Variants in KCTD8 observed in about 807,000 individuals in gnomAD.
KCTD8 encodes the protein BTB/POZ domain-containing protein KCTD8.
A neutral mutation model predicts 31.5 loss-of-function variants in KCTD8; 27 were observed. That is an observed-to-expected ratio of 0.86 (90% confidence interval 0.63 to 1.18). KCTD8 has a LOEUF of 1.18. Among genes scored for constraint, KCTD8 ranks in the 50% most tolerant of loss-of-function variants. The pLI, the probability that KCTD8 is intolerant of heterozygous loss-of-function variation, is 0.00. For synonymous variants in KCTD8, 290 were observed against 280.0 expected (o/e 1.04, Z -0.36); for missense variants, 658 against 647.7 (o/e 1.02, Z -0.17).
chr4:44,383,273 T>C (rs74753569), intron 1 of KCTD8, among the ~76,000 whole-genome samples: 1 of 152,210 alleles, frequency 6.6e-6, no homozygotes, highest in Non-Finnish European at 1.5e-5. Context: ...AATGCAATCC[T>C]ATCAAAATAG....
chr4:44,346,004 T>C (rs552923247), intron 1 of KCTD8, among the ~76,000 whole-genome samples: 1 of 152,116 alleles, frequency 6.6e-6, no homozygotes, highest in African/African-American at 2.4e-5. Flanking sequence ...GAGATTTCAA[T>C]CTAGTTAAAG....
At chr4:44,289,134 T>TA (rs1717192711) in intron 1 of KCTD8, among the ~76,000 whole-genome samples, 1 of 151,768 alleles carries the variant, frequency 6.6e-6, no homozygotes, top group African/African-American at 2.4e-5. Flanking sequence ...CTGATACATG[T>TA]AAAATTCTTA....
At chr4:44,355,246 A>G (rs931095904) in intron 1 of KCTD8, among the ~76,000 whole-genome samples, 1 of 152,156 alleles carries the variant, frequency 6.6e-6, no homozygotes. Context: ...TGTCTTTTAA[A>G]ACAGAGAACA....
intron 1 of KCTD8, among the ~76,000 whole-genome samples, chr4:44,313,881 A>G (rs1718024540): frequency 6.6e-6 from 1 of 152,242 alleles, no homozygotes; most frequent in African/African-American, 2.4e-5. Context: ...ACAGAAAACA[A>G]CATTTGCAGA....
At chr4:44,319,271 A>T (rs966167708) in intron 1 of KCTD8, among the ~76,000 whole-genome samples, 1 of 152,310 alleles carries the variant, frequency 6.6e-6, no homozygotes, top group South Asian at 2.1e-4. Flanking sequence ...AATTTCTATA[A>T]TAGGTTTACA....
intron 1 of KCTD8, among the ~76,000 whole-genome samples, chr4:44,242,634 T>G (rs1715539946): frequency 1.3e-5 from 2 of 152,080 alleles, no homozygotes; most frequent in Admixed American, 1.3e-4. Flanking sequence ...TGATATAGTT[T>G]GACTATATGT....
At chr4:44,350,769 G>C (rs1183995699) in intron 1 of KCTD8, among the ~76,000 whole-genome samples, 1 of 152,064 alleles carries the variant, frequency 6.6e-6, no homozygotes. Context: ...AGAAAAACTA[G>C]ACTATCATTT....
At chr4:44,353,453 A>T (rs1410714408) in intron 1 of KCTD8, among the ~76,000 whole-genome samples, 1 of 152,082 alleles carries the variant, frequency 6.6e-6, no homozygotes. Flanking sequence ...CATCTCAGGA[A>T]TTTATCATTT....
intron 1 of KCTD8, among the ~76,000 whole-genome samples, chr4:44,314,482 C>T (rs1480787245): frequency 6.6e-6 from 1 of 152,048 alleles, no homozygotes; most frequent in African/African-American, 2.4e-5. Context: ...TTTTATTTCC[C>T]TAATTACACA....
chr4:44,308,621 C>T (rs1717870740), intron 1 of KCTD8, among the ~76,000 whole-genome samples: 1 of 151,938 alleles, frequency 6.6e-6, no homozygotes, highest in Non-Finnish European at 1.5e-5. Flanking sequence ...AACAGATGTA[C>T]TATTAAATGA....
intron 1 of KCTD8, among the ~76,000 whole-genome samples, chr4:44,389,790 C>T (rs1720319904): frequency 6.6e-6 from 1 of 151,794 alleles, no homozygotes. Context: ...GGCACATGAA[C>T]AACACAGGTT....
At chr4:44,192,921 A>G (rs1713808248) in intron 1 of KCTD8, among the ~76,000 whole-genome samples, 1 of 152,188 alleles carries the variant, frequency 6.6e-6, no homozygotes, top group Admixed American at 6.5e-5. Flanking sequence ...CTTGAACATC[A>G]GACTCCAAGT....
chr4:44,337,285 A>AGGACCTT (rs1047719335), intron 1 of KCTD8, among the ~76,000 whole-genome samples: 1 of 152,224 alleles, frequency 6.6e-6, no homozygotes, highest in Non-Finnish European at 1.5e-5. Context: ...CTATGAAAAA[A>AGGACCTT]GGACCTTGAT....
chr4:44,342,847 C>G (rs1718937185), intron 1 of KCTD8, among the ~76,000 whole-genome samples: 1 of 152,224 alleles, frequency 6.6e-6, no homozygotes. Flanking sequence ...ACCTCATGCA[C>G]TAACCTCTGC....
chr4:44,439,958 G>C (rs1380804702), intron 1 of KCTD8, among the ~76,000 whole-genome samples: 1 of 150,132 alleles, frequency 6.7e-6, no homozygotes, highest in African/African-American at 2.4e-5. Flanking sequence ...TTTTGACAGA[G>C]TCTCACTCTG....
chr4:44,301,132 T>C (rs1473508765), intron 1 of KCTD8, among the ~76,000 whole-genome samples: 3 of 152,052 alleles, frequency 2.0e-5, no homozygotes, highest in Non-Finnish European at 4.4e-5. Context: ...GACATTTGGG[T>C]TGGTTCCAAG....
At chr4:44,293,630 T>C (rs933073641) in intron 1 of KCTD8, 2 of 343,814 alleles carry the variant, frequency 5.8e-6, no homozygotes, top group South Asian at 2.4e-5. Flanking sequence ...TTTTTTTTTC[T>C]AGGAATCTGG....
intron 1 of KCTD8, among the ~76,000 whole-genome samples, chr4:44,405,497 T>C (rs551692660): frequency 9.9e-5 from 15 of 152,152 alleles, no homozygotes; most frequent in Non-Finnish European, 8.8e-5. Flanking sequence ...GAGCTCATGA[T>C]GAGCTCGTGA....
chr4:44,214,036 C>A (rs1220474491), intron 1 of KCTD8, among the ~76,000 whole-genome samples: 1 of 152,204 alleles, frequency 6.6e-6, no homozygotes, highest in Non-Finnish European at 1.5e-5. Flanking sequence ...AACCTTTATT[C>A]ACCATACATT....
Sources: allele counts gnomAD v4.1 joint callset (sites outside exome capture counted in the v4.1 genomes callset), GRCh38; gene constraint gnomAD v4.1.1; transcripts MANE v1.5; gene names NCBI Gene and HGNC (gene_info 2026-07-23, HGNC 2026-07-21).